The following CSMD1 variants were observed in gnomAD, a reference collection of about 807,000 sequenced individuals.
CSMD1 encodes the protein CUB and sushi domain-containing protein 1.
CSMD1 carries 213 observed loss-of-function variants against 417.5 expected under a neutral mutation model. That is an observed-to-expected ratio of 0.51 (90% CI 0.46 to 0.57). CSMD1 has a LOEUF of 0.57. Ranked by LOEUF, CSMD1 falls within the 20% of genes least tolerant of loss-of-function variation. The pLI is 0.00. For synonymous variants in CSMD1, 2,862 were observed against 1,736.8 expected, an observed-to-expected ratio of 1.65 and a Z score of -16.11; for missense variants, 6,923 against 4,529.7, an observed-to-expected ratio of 1.53 and a Z score of -15.17.
Position 3,096,995 on chromosome 8 carries a change from A to C in CSMD1, c.6992T>G (p.Val2331Gly). 1 of 1,555,324 alleles carries C rather than the reference A, an allele frequency of 6.4e-7. No individual in the cohort carries two copies. The highest frequency in any genetic ancestry group is 2.4e-5 in the East Asian group (1 of 41,514). The change falls in exon 47 of 70, where the codon GTC becomes GGC. Residue 2331 changes from valine (V) to glycine (G), a missense_variant. Val to Gly is a moderately radical substitution (Grantham distance 109). Transcript: ENST00000635120. The stretch of plus-strand genomic sequence containing the variant: ...ACCCGGATACCCTGGACTGAGAATG[A>C]CTCCCGATGATCCAGTCCGGACTTC... ...ANEVRTGSSG[V>G]ILSPGYPGNY... is the part of the protein sequence containing the mutation.
chr8:4,278,138 C>A (rs906585862), intron 3 of CSMD1, among the ~76,000 whole-genome samples: 1 of 152,116 alleles, frequency 6.6e-6, no homozygotes, highest in Non-Finnish European at 1.5e-5. Context: ...ATAACTTCCA[C>A]CAAAGAGAAG....
intron 20 of CSMD1, among the ~76,000 whole-genome samples, chr8:3,365,198 T>A (rs1261486960): frequency 1.3e-5 from 2 of 152,230 alleles, no homozygotes; most frequent in African/African-American, 2.4e-5. Context: ...GTGGCAAGTT[T>A]CATGATTACT....
rs79268653 is a variant in CSMD1 at position 4,025,451 on chromosome 8, G to T, written c.610+6454C>A. Among the ~76,000 whole-genome samples the T allele has an allele frequency of 6.9e-3, 1,050 of 152,286 alleles. 59 individuals are homozygous for T. In the East Asian group the frequency reaches 0.14, roughly 20 times the overall value. ...TAATAATTTATGAATCAATAATAAA[G>T]TATGGGAAACATAAAGCAAATTAAG... On this transcript the variant is annotated intron_variant, in intron 4 of 69. Transcript: ENST00000635120.
intron 2 of CSMD1, among the ~76,000 whole-genome samples, chr8:4,577,184 G>C (rs1054671101): frequency 1.2e-4 from 18 of 152,084 alleles, no homozygotes; most frequent in African/African-American, 4.1e-4. Flanking sequence ...ATTTATTGAA[G>C]CGAGATTTTC....
chr8:4,935,124 C>G (rs1028484615), intron 1 of CSMD1, among the ~76,000 whole-genome samples: 1 of 152,224 alleles, frequency 6.6e-6, no homozygotes. Flanking sequence ...TTATAGCTCA[C>G]CACTTTCAAT....
At chr8:4,806,085 T>C (rs1000094167) in intron 1 of CSMD1, among the ~76,000 whole-genome samples, 4 of 152,222 alleles carry the variant, frequency 2.6e-5, no homozygotes, top group Non-Finnish European at 4.4e-5. Flanking sequence ...AGACCCACAA[T>C]CTCTAATTTT....
chr8:3,981,626 C>T (rs952465659), intron 5 of CSMD1, among the ~76,000 whole-genome samples: 1 of 151,410 alleles, frequency 6.6e-6, no homozygotes, highest in Non-Finnish European at 1.5e-5. Flanking sequence ...GTATTGTTCC[C>T]TTTGAGTTGT....
intron 3 of CSMD1, among the ~76,000 whole-genome samples, chr8:4,037,534 A>C (rs1254915527): frequency 6.6e-6 from 1 of 152,234 alleles, no homozygotes; most frequent in African/African-American, 2.4e-5. Flanking sequence ...AGAATTTGAA[A>C]AACACAAATC....
intron 3 of CSMD1, among the ~76,000 whole-genome samples, chr8:4,366,380 G>A (rs538094209): frequency 6.6e-6 from 1 of 152,088 alleles, no homozygotes; most frequent in African/African-American, 2.4e-5. Context: ...GAATAGCACT[G>A]CAATGAACAT....
At chr8:4,322,492 A>G (rs988603074) in intron 3 of CSMD1, among the ~76,000 whole-genome samples, 2 of 152,164 alleles carry the variant, frequency 1.3e-5, no homozygotes, top group Admixed American at 1.3e-4. Flanking sequence ...TGAAAGCTGT[A>G]TGCAGTTGTG....
chr8:4,563,184 G>A (rs1438054942), intron 2 of CSMD1, among the ~76,000 whole-genome samples: 1 of 152,060 alleles, frequency 6.6e-6, no homozygotes, highest in Non-Finnish European at 1.5e-5. Context: ...GGCGGATCAC[G>A]AGGTCAGGAG....
intron 1 of CSMD1, among the ~76,000 whole-genome samples, chr8:4,985,303 C>A (rs946027137): frequency 6.6e-6 from 1 of 152,008 alleles, no homozygotes; most frequent in Non-Finnish European, 1.5e-5. Context: ...GGTACAACAA[C>A]CCCCCATGAC....
chr8:3,948,703 A>G (rs1215711589), intron 5 of CSMD1, among the ~76,000 whole-genome samples: 4 of 152,196 alleles, frequency 2.6e-5, no homozygotes, highest in Admixed American at 2.0e-4. Context: ...CCAACTTAAT[A>G]ATGAATAAAA....
At chr8:4,078,891 T>TAATA (rs1230923412) in intron 3 of CSMD1, among the ~76,000 whole-genome samples, 62 of 109,604 alleles carry the variant, frequency 5.7e-4, no homozygotes, top group African/African-American at 2.0e-3. Context: ...ATAATAATAA[T>TAATA]AATAAATATA....
intron 1 of CSMD1, among the ~76,000 whole-genome samples, chr8:4,977,501 T>C (rs1457276358): frequency 1.3e-5 from 2 of 152,156 alleles, no homozygotes; most frequent in African/African-American, 2.4e-5. Flanking sequence ...TTCTTCACAT[T>C]GGCATGAAAA....
chr8:4,142,897 A>G (rs1803875907), intron 3 of CSMD1, among the ~76,000 whole-genome samples: 1 of 151,132 alleles, frequency 6.6e-6, no homozygotes, highest in Admixed American at 6.6e-5. Flanking sequence ...TGACAACACA[A>G]TAGGAGAAAT....
At chr8:4,671,484 T>C (rs1473844249) in intron 1 of CSMD1, among the ~76,000 whole-genome samples, 1 of 152,170 alleles carries the variant, frequency 6.6e-6, no homozygotes, top group Admixed American at 6.5e-5. Context: ...AAGCCACTGT[T>C]CTGGAATAAT....
chr8:3,281,307 G>A (rs1025316173), intron 26 of CSMD1, among the ~76,000 whole-genome samples: 1 of 151,972 alleles, frequency 6.6e-6, no homozygotes, highest in Non-Finnish European at 1.5e-5. Flanking sequence ...AGCCAGGTGT[G>A]TTGGTGCGTG....
intron 18 of CSMD1, chr8:3,373,563 G>C (rs1810111027): frequency 6.6e-6 from 1 of 152,186 alleles, no homozygotes; most frequent in South Asian, 2.1e-4. Context: ...GGAGATGAGA[G>C]AATGAAATGA....
Sources: gnomAD v4.1 joint callset for allele counts (sites outside exome capture counted in the v4.1 genomes callset) on GRCh38, gnomAD v4.1.1 for gene constraint, MANE v1.5 for transcripts, NCBI Gene and HGNC (gene_info 2026-07-23, HGNC 2026-07-21) for gene names.